Variants in LCMT2 observed in about 807,000 individuals in gnomAD.
The protein encoded by LCMT2 is leucine carboxyl methyltransferase 2.
Under a neutral mutation model 42.0 loss-of-function variants are expected in LCMT2, and 34 were observed. The ratio of observed to expected loss-of-function variants is 0.81; its 90% confidence interval spans 0.62 to 1.08. The LOEUF is 1.08. Among genes scored for constraint, LCMT2 ranks in the 50% least tolerant of loss-of-function variants. The probability of loss-of-function intolerance (pLI) is 0.00; values close to 1 mark genes in which losing one functional copy is unlikely to be tolerated. For synonymous variants in LCMT2, 445 were observed against 369.5 expected, an observed-to-expected ratio of 1.20 and a Z score of -2.34; for missense variants, 1,091 against 889.4, an observed-to-expected ratio of 1.23 and a Z score of -2.88.
chr15:43,330,379 A>G lies in LCMT2; in HGVS notation c.111T>C (p.Phe37=), dbSNP rs769393658. ...CCGCGCCCGGAACCAGCAACGCGGC[A>G]AAGGGGTCCTGCACGTACCCGCGCG... The part of the protein sequence containing the change: ...LAARGYVQDP[F]AALLVPGAAR... The change falls in exon 1 of 1, where the codon TTT becomes TTC. Residue 37 remains phenylalanine (F), a synonymous_variant. Transcript: ENST00000305641. The G allele has an allele frequency of 1.1e-5, 18 of 1,573,184 alleles. No individual in the cohort carries two copies. Among genetic ancestry groups the G allele is most frequent in the South Asian group, 2.2e-5 (2 of 90,000 alleles).
rs1489741111 is a variant in LCMT2, at chr15:43,328,756, G to A, written c.1734C>T (p.Asp578=). The change falls in exon 1 of 1, where the codon GAC becomes GAT. Residue 578 remains aspartate, a synonymous_variant. Coordinates refer to ENST00000305641, the MANE Select transcript of LCMT2 (RefSeq NM_014793.5). The part of the protein sequence containing the change: ...ISCGFLWESV[D]IQPPITPRYS... ...ACCTTGGGGTAATGGGAGGCTGGAT[G>A]TCTACTGACTCCCAGAGGAATCCAC... The A allele has an allele frequency of 1.2e-6, 2 of 1,613,732 alleles. No individual in the cohort carries two copies. The highest frequency in any genetic ancestry group is 1.7e-6 in the Non-Finnish European group (2 of 1,180,030).
In LCMT2 at chr15:43,329,819, T is replaced by C; in HGVS notation, c.671A>G (p.Gln224Arg). ...LFVVYEQMRP[Q>R]DAFGQFMLQH... ...CAGCATGAACTGGCCAAAGGCGTCT[T>C]GAGGCCTCATCTGCTCATAGACCAC... The change falls in exon 1 of 1, where the codon CAA (glutamine) becomes CGA (arginine). Residue 224 changes from glutamine (Q) to arginine (R), a missense_variant. Gln to Arg is a conservative substitution (Grantham distance 43). Coordinates refer to ENST00000305641, the MANE Select transcript of LCMT2 (RefSeq NM_014793.5). 2 of 1,613,930 alleles carry C rather than the reference T, an allele frequency of 1.2e-6. No individual in the cohort carries two copies. Among genetic ancestry groups the C allele is most frequent in the Non-Finnish European group, 1.7e-6 (2 of 1,180,028 alleles).
chr15:43,330,092 C>T lies in LCMT2; in HGVS notation c.398G>A (p.Cys133Tyr), dbSNP rs1406966400. The T allele has an allele frequency of 1.2e-6, 2 of 1,611,988 alleles. No homozygotes were observed. The highest frequency in any genetic ancestry group is 2.2e-5 in the East Asian group (1 of 44,874). The change falls in exon 1 of 1, where the codon TGC (cysteine) becomes TAC (tyrosine). Residue 133 changes from cysteine to tyrosine, a missense_variant. By Grantham distance (194) the Cys-to-Tyr change is radical. Transcript: ENST00000305641. ...AERIGETPEL[C>Y]ALTGPFERGE... ...CCTCTCGAAAGGCCCGGTTAACGCG[C>T]ACAGCTCTGGCGTCTCTCCAATCCT...
rs767456501 is a variant in LCMT2 at position 43,328,547 on chromosome 15, A to G, written c.1943T>C (p.Leu648Pro). ...LMLHNHTSIL[L>P]PEEQQLLLLG... ...GAGCAGGAGCTGTTGCTCTTCAGGA[A>G]GAAGGATACTAGTATGGTTGTGTAA... The change falls in exon 1 of 1, where the codon CTT becomes CCT. Residue 648 changes from leucine (L) to proline (P), a missense_variant. Physicochemically the swap from Leu to Pro is moderately conservative, Grantham distance 98. Transcript: ENST00000305641. 13 of 1,614,022 alleles carry G rather than the reference A, an allele frequency of 8.1e-6. No homozygotes were observed. The highest frequency in any genetic ancestry group is 1.1e-5 in the South Asian group (1 of 91,084).
chr15:43,330,444 T>C lies in LCMT2; in HGVS notation c.46A>G (p.Thr16Ala), dbSNP rs1254683146. Residue 16 changes from threonine (T) to alanine (A), a missense_variant, in exon 1 of 1, where the codon ACC (threonine) becomes GCC (alanine). By Grantham distance (58) the Thr-to-Ala change is moderately conservative. Coordinates refer to ENST00000305641, the MANE Select transcript of LCMT2 (RefSeq NM_014793.5). ...TTGCTGAGGGCGCTGCTGTCGTTGG[T>C]GTTCTGTACCGCGCCTGCCCGACGC... is the stretch of plus-strand genomic sequence containing the variant. ...RERRAGAVQNTNDSSALSKRS... is the reference protein window; with the variant it reads ...RERRAGAVQNANDSSALSKRS... The C allele has an allele frequency of 4.5e-6, 7 of 1,543,572 alleles. No homozygotes were observed. The highest frequency in any genetic ancestry group is 1.4e-5 in the African/African-American group (1 of 71,894).
rs2043166613 is a variant in LCMT2, at chr15:43,330,179, CG to C, written c.310del (p.Arg104AlafsTer32). 6.2e-6 allele frequency: 10 copies of C among 1,611,774 alleles called. No individual in the cohort carries two copies. The highest frequency in any genetic ancestry group is 5.1e-6 in the Non-Finnish European group (6 of 1,179,898). On this transcript the variant is annotated frameshift_variant, in exon 1 of 1. Coordinates refer to ENST00000305641, the MANE Select transcript of LCMT2 (RefSeq NM_014793.5). LOFTEE classifies it high-confidence loss of function. The part of the protein sequence containing the change: ...SLYFRLKTAG[R>X]LARAAVWEVD... ...CTCCCAGACTGCAGCCCGGGCCAGGCGGCCCGCGGTTTTTAAGCGAAAATAG... is the reference window on the plus strand; with the variant it reads ...CTCCCAGACTGCAGCCCGGGCCAGGCGCCCGCGGTTTTTAAGCGAAAATAG...
In LCMT2 at chr15:43,328,630, A is replaced by T. The variant is rs748327001; in HGVS notation, c.1860T>A (p.Thr620=). ...SFPGVTVINL[T]TGLSSEYQID... Reference sequence around the variant, plus strand: ...TCTGATACTCAGAGCTCAATCCTGTAGTCAAATTGATCACAGTCACTCCAG... The same window carrying T: ...TCTGATACTCAGAGCTCAATCCTGTTGTCAAATTGATCACAGTCACTCCAG... Residue 620 remains threonine (T), a synonymous_variant, in exon 1 of 1, where the codon ACT becomes ACA. Transcript: ENST00000305641. The T allele has an allele frequency of 1.1e-5, 18 of 1,614,180 alleles. No homozygotes were observed. The highest frequency in any genetic ancestry group is 8.5e-7 in the Non-Finnish European group (1 of 1,180,002).
rs774645625 is a variant in LCMT2 at position 43,325,878 on chromosome 15, G to T, written c.*2551C>A. The T allele has an allele frequency of 1.3e-5, 2 of 151,922 alleles. No individual in the cohort carries two copies. The highest frequency in any genetic ancestry group is 4.8e-5 in the African/African-American group (2 of 41,330). The allele number at this position is 151,922 out of a possible 1,614,324, so 9.4% of individuals were successfully genotyped here. On this transcript the variant is annotated 3_prime_UTR_variant, in exon 1 of 1. Coordinates refer to ENST00000305641, the MANE Select transcript of LCMT2 (RefSeq NM_014793.5). ...ACAGTGTTGTTATTACTAGAGACAGGGTCTCACTCTGTCACCCAAGCTGGA... is the reference window on the plus strand; with the variant it reads ...ACAGTGTTGTTATTACTAGAGACAGTGTCTCACTCTGTCACCCAAGCTGGA...
In LCMT2 at chr15:43,329,073, C is replaced by T; in HGVS notation, c.1417G>A (p.Asp473Asn). ...KVTITKAGRK[D>N]DSTLCCWRHS... ...CGCCAACAACACAAAGTGGAATCAT[C>T]CTTTCGGCCAGCCTTTGTTATTGTC... Residue 473 changes from aspartate to asparagine, a missense_variant, in exon 1 of 1, where the codon GAT becomes AAT. Transcript: ENST00000305641. The T allele has an allele frequency of 6.2e-7, 1 of 1,614,152 alleles. No individual in the cohort carries two copies. Among genetic ancestry groups the T allele is most frequent in the Non-Finnish European group, 8.5e-7 (1 of 1,180,024 alleles).
Position 43,329,770 on chromosome 15 carries a change from G to A in LCMT2, c.720C>T (p.Ser240=), listed in dbSNP as rs1566856162. The change falls in exon 1 of 1, where the codon TCC becomes TCT. Residue 240 remains serine (S), a synonymous_variant. Transcript: ENST00000305641. ...GAAAACGCTCCAGGCCATGCAGGGGGGAGTTTAGCTGCCGAAAATGTTGCA... is the reference window on the plus strand; with the variant it reads ...GAAAACGCTCCAGGCCATGCAGGGGAGAGTTTAGCTGCCGAAAATGTTGCA... The part of the protein sequence containing the change: ...FMLQHFRQLN[S]PLHGLERFPD... 1.9e-6 allele frequency: 3 copies of A among 1,613,712 alleles called. No individual in the cohort carries two copies. Among genetic ancestry groups the A allele is most frequent in the African/African-American group, 2.7e-5 (2 of 74,948 alleles).
Position 43,324,932 on chromosome 15 carries a change from A to C in LCMT2, c.*3497T>G, listed in dbSNP as rs1187918927. On this transcript the variant is annotated 3_prime_UTR_variant, in exon 1 of 1. Transcript: ENST00000305641. ...GATCACTGAAAAAGACCAAGGAAACACCTGGGTCCTGGAACATATTGGATA... is the reference window on the plus strand; with the variant it reads ...GATCACTGAAAAAGACCAAGGAAACCCCTGGGTCCTGGAACATATTGGATA... The C allele has an allele frequency of 3.9e-5, 6 of 152,192 alleles. No individual in the cohort carries two copies. The East Asian group carries it at 1.2e-3, about 29-fold the overall frequency. 9.4% of individuals were successfully genotyped at this position (152,192 alleles called of 1,614,324 possible). A position where few individuals can be genotyped will look rare whatever the true frequency, so the allele number is the denominator to read the frequency against.
chr15:43,327,559 A>G lies in LCMT2; in HGVS notation c.*870T>C, dbSNP rs980289061. On this transcript the variant is annotated 3_prime_UTR_variant, in exon 1 of 1. Transcript: ENST00000305641. Reference sequence around the variant, plus strand: ...AAGAATGCTGCCACTGCCAACTTGCAAACCAACAGGGGAAGAATTGGGAAT... The same window carrying G: ...AAGAATGCTGCCACTGCCAACTTGCGAACCAACAGGGGAAGAATTGGGAAT... 6.6e-6 allele frequency: 1 copy of G among 152,238 alleles called. No individual in the cohort carries two copies. Among genetic ancestry groups the G allele is most frequent in the African/African-American group, 2.4e-5 (1 of 41,450 alleles). 9.4% of individuals were successfully genotyped at this position (152,238 alleles called of 1,614,324 possible).
rs1198289664 is a variant in LCMT2, at chr15:43,327,357, CAT to C, written c.*1070_*1071del. 1 of 152,228 alleles carries C rather than the reference CAT, an allele frequency of 6.6e-6. No individual in the cohort carries two copies. The highest frequency in any genetic ancestry group is 2.4e-5 in the African/African-American group (1 of 41,462). 9.4% of individuals were successfully genotyped at this position (152,228 alleles called of 1,614,324 possible). ...ATTTATTAATTCGTTTAAATAGTCA[CAT>C]GTTGTCAATAGCTACCACATTGGAC... On this transcript the variant is annotated 3_prime_UTR_variant, in exon 1 of 1. Transcript: ENST00000305641.
rs778502546 is a variant in LCMT2 at position 43,328,469 on chromosome 15, G to T, written c.2021C>A (p.Thr674Lys). The change falls in exon 1 of 1, where the codon ACA (threonine) becomes AAA (lysine). Residue 674 changes from threonine to lysine, a missense_variant. Transcript: ENST00000305641. Reference protein sequence around the residue: ...FSFGTYFNPHTVTLDLSSLSA... With the variant: ...FSFGTYFNPHKVTLDLSSLSA... ...TAAGGAAGAAAGGTCTAATGTGACTGTATGGGGGTTGAAGTAGGTACCAAA... is the reference window on the plus strand; with the variant it reads ...TAAGGAAGAAAGGTCTAATGTGACTTTATGGGGGTTGAAGTAGGTACCAAA... 1 of 1,614,024 alleles carries T rather than the reference G, an allele frequency of 6.2e-7. No homozygotes were observed. Among genetic ancestry groups the T allele is most frequent in the Non-Finnish European group, 8.5e-7 (1 of 1,180,006 alleles).
chr15:43,328,974 G>C lies in LCMT2; in HGVS notation c.1516C>G (p.Pro506Ala). The C allele has an allele frequency of 6.2e-7, 1 of 1,613,240 alleles. No homozygotes were observed. Among genetic ancestry groups the C allele is most frequent in the South Asian group, 1.1e-5 (1 of 91,082 alleles). ...FVYGGRSVVE[P>A]VLSDWHFLHV... is the part of the protein sequence containing the mutation. ...AGGAAATGCCAGTCACTTAGTACAG[G>C]TTCCACCACGCTTCGACCCCCATAC... is the stretch of plus-strand genomic sequence containing the variant. Residue 506 changes from proline (P) to alanine (A), a missense_variant, in exon 1 of 1, where the codon CCT becomes GCT. Coordinates refer to ENST00000305641, the MANE Select transcript of LCMT2 (RefSeq NM_014793.5).
At position 43,329,140 on chromosome 15, in the gene LCMT2, A is replaced by G; in HGVS notation, c.1350T>C (p.His450=). The G allele has an allele frequency of 6.2e-7, 1 of 1,614,078 alleles. No individual in the cohort carries two copies. Among genetic ancestry groups the G allele is most frequent in the East Asian group, 2.2e-5 (1 of 44,890 alleles). ...TGTTATTATCCTCACTCTTAAAAAA[A>G]TGAAGCTGGAGAACCCCCAAGGCTG... ...VSPALGVLQL[H]FFKSEDNNTE... Residue 450 remains histidine, a synonymous_variant, in exon 1 of 1, where the codon CAT becomes CAC. Coordinates refer to ENST00000305641, the MANE Select transcript of LCMT2 (RefSeq NM_014793.5).
chr15:43,329,155 C>A lies in LCMT2; in HGVS notation c.1335G>T (p.Gly445=), dbSNP rs767638371. The change falls in exon 1 of 1, where the codon GGG becomes GGT. Residue 445 remains glycine, a synonymous_variant. Transcript: ENST00000305641. ...GRLSPVSPAL[G]VLQLHFFKSE... is the part of the protein sequence containing the mutation. ...TCTTAAAAAAATGAAGCTGGAGAAC[C>A]CCCAAGGCTGGACTTACTGGGGACA... 1 of 1,614,030 alleles carries A rather than the reference C, an allele frequency of 6.2e-7. No homozygotes were observed. Among genetic ancestry groups the A allele is most frequent in the South Asian group, 1.1e-5 (1 of 91,074 alleles).
Position 43,329,561 on chromosome 15 carries a change from G to A in LCMT2, c.929C>T (p.Ala310Val), listed in dbSNP as rs1407139306. The change falls in exon 1 of 1, where the codon GCA becomes GTA. Residue 310 changes from alanine (A) to valine (V), a missense_variant. Transcript: ENST00000305641. Reference sequence around the variant, plus strand: ...GGAGAGGGTGTCTCCCCTAGAAGCTGCCAGAATGAAATAATGGGCGCACTT... The same window carrying A: ...GGAGAGGGTGTCTCCCCTAGAAGCTACCAGAATGAAATAATGGGCGCACTT... ...HLKCAHYFILAASRGDTLSHT... is the reference protein window; with the variant it reads ...HLKCAHYFILVASRGDTLSHT... 1 of 1,614,050 alleles carries A rather than the reference G, an allele frequency of 6.2e-7. No individual in the cohort carries two copies. Among genetic ancestry groups the A allele is most frequent in the East Asian group, 2.2e-5 (1 of 44,878 alleles).
chr15:43,328,009 T>C lies in LCMT2; in HGVS notation c.*420A>G, dbSNP rs1452334979. On this transcript the variant is annotated 3_prime_UTR_variant, in exon 1 of 1. Transcript: ENST00000305641. ...TGTCAATACTACGCTCCCTCAACTA[T>C]ATTCAACCAAGGATCTGCGTGAAAC... The C allele has an allele frequency of 1.7e-5, 3 of 173,022 alleles. No individual in the cohort carries two copies. The highest frequency in any genetic ancestry group is 3.8e-5 in the Non-Finnish European group (3 of 79,264). The allele number at this position is 173,022 out of a possible 1,614,324, so 10.7% of individuals were successfully genotyped here. A position where few individuals can be genotyped will look rare whatever the true frequency, so the allele number is the denominator to read the frequency against.
Sources: gnomAD v4.1 joint callset for allele counts on GRCh38, gnomAD v4.1.1 for gene constraint, MANE v1.5 for transcripts, NCBI Gene and HGNC (gene_info 2026-07-23, HGNC 2026-07-21) for gene names.